PTPRM: variants seen among roughly 807,000 people sequenced by gnomAD.
The protein encoded by PTPRM is receptor-type tyrosine-protein phosphatase mu.
PTPRM carries 47 observed loss-of-function variants against 186.7 expected under a neutral mutation model. That is an observed-to-expected ratio of 0.25 (90% CI 0.20 to 0.32). PTPRM has a LOEUF of 0.32. PTPRM is among the 10% of genes least tolerant of loss of function. The probability of loss-of-function intolerance (pLI) is 1.00; values close to 1 mark genes in which losing one functional copy is unlikely to be tolerated. For synonymous variants in PTPRM, 668 were observed against 674.9 expected (o/e 0.99, Z 0.16); for missense variants, 1,494 against 1,865.0 (o/e 0.80, Z 3.66).
chr18:8,300,735 G>T (rs2095148114), intron 20 of PTPRM, among the ~76,000 whole-genome samples: 1 of 152,078 alleles, frequency 6.6e-6, no homozygotes, highest in African/African-American at 2.4e-5. Context: ...ATCCCTTCCA[G>T]TGCTCTTTTA....
intron 1 of PTPRM, among the ~76,000 whole-genome samples, chr18:7,693,881 A>G (rs1436982902): frequency 8.5e-6 from 1 of 117,770 alleles, no homozygotes; most frequent in Non-Finnish European, 1.8e-5. Context: ...AGCTATGAAC[A>G]GGAGTAGGGG....
At position 8,310,594 on chromosome 18, in the gene PTPRM, C is replaced by T. The variant is rs190346254; in HGVS notation, c.2843-4187C>T. On this transcript the variant is annotated intron_variant, in intron 20 of 32. Coordinates refer to ENST00000580170, the MANE Select transcript of PTPRM (RefSeq NM_001105244.2). The stretch of plus-strand genomic sequence containing the variant: ...ATCTTCATGGTTTGAGCTTCAATGT[C>T]CCTTTATTAGGGAATTGTTTGCTAG... 5.9e-3 allele frequency among the ~76,000 whole-genome samples: 897 copies of T among 151,740 alleles called. 4 individuals are homozygous for T. Among genetic ancestry groups the T allele is most frequent in the African/African-American group, 0.021 (860 of 41,296 alleles).
chr18:8,169,854 T>A (rs1043765516), intron 14 of PTPRM, among the ~76,000 whole-genome samples: 2 of 152,196 alleles, frequency 1.3e-5, no homozygotes, highest in Non-Finnish European at 2.9e-5. Context: ...AACAACAGTG[T>A]AAGTAATTTG....
chr18:8,396,376 AT>A (rs752375106), intron 32 of PTPRM, among the ~76,000 whole-genome samples: 83 of 152,308 alleles, frequency 5.4e-4, no homozygotes, highest in African/African-American at 1.9e-3. Flanking sequence ...ATCAAAAAAA[AT>A]GTCACTTCCC....
intron 7 of PTPRM, among the ~76,000 whole-genome samples, chr18:8,029,021 G>T (rs1278867911): frequency 6.6e-6 from 1 of 152,200 alleles, no homozygotes. Context: ...ACCAACACCA[G>T]GGCTGGGCCT....
intron 2 of PTPRM, among the ~76,000 whole-genome samples, chr18:7,804,020 A>C (rs2044108953): frequency 1.3e-5 from 2 of 152,218 alleles, no homozygotes; most frequent in Non-Finnish European, 2.9e-5. Context: ...CATCTGGTGA[A>C]TACCCAGGTG....
At chr18:7,821,861 CAT>C (rs1568178681) in intron 2 of PTPRM, among the ~76,000 whole-genome samples, 3 of 152,166 alleles carry the variant, frequency 2.0e-5, no homozygotes, top group African/African-American at 4.8e-5. Flanking sequence ...GACAGAGTAA[CAT>C]AGAATGAGAT....
intron 5 of PTPRM, among the ~76,000 whole-genome samples, chr18:7,931,312 A>G (rs2051469938): frequency 6.6e-6 from 1 of 151,696 alleles, no homozygotes; most frequent in Non-Finnish European, 1.5e-5. Context: ...CTGTATACAT[A>G]TACTGTGTGT....
At chr18:7,815,461 G>T (rs1320633937) in intron 2 of PTPRM, 1 of 152,096 alleles carries the variant, frequency 6.6e-6, no homozygotes, top group East Asian at 1.9e-4. Context: ...TTTGGTTTGG[G>T]GCATGTTTCT....
chr18:8,245,197 G>A (rs1363041245), intron 15 of PTPRM, among the ~76,000 whole-genome samples: 2 of 152,166 alleles, frequency 1.3e-5, no homozygotes, highest in Admixed American at 1.3e-4. Flanking sequence ...CCAGATCACA[G>A]TGTGGTCAAT....
At chr18:8,117,074 T>G (rs9953315) in intron 13 of PTPRM, among the ~76,000 whole-genome samples, 71,356 of 152,070 alleles carry the variant, frequency 0.47, 17,720 homozygotes, top group African/African-American at 0.62. Flanking sequence ...GACGGATTCA[T>G]CAACCCTCCT....
intron 3 of PTPRM, among the ~76,000 whole-genome samples, chr18:7,888,701 A>C (rs1365091798): frequency 6.6e-6 from 1 of 152,202 alleles, no homozygotes; most frequent in African/African-American, 2.4e-5. Flanking sequence ...AGCACAATTC[A>C]TAATAGCAAA....
intron 7 of PTPRM, among the ~76,000 whole-genome samples, chr18:7,999,665 CTAATA>C (rs750694495): frequency 1.3e-5 from 2 of 151,578 alleles, no homozygotes; most frequent in African/African-American, 4.8e-5. Context: ...TTGCACCAAC[CTAATA>C]TAATGTGTTG....
intron 23 of PTPRM, among the ~76,000 whole-genome samples, chr18:8,358,938 C>A (rs2095579914): frequency 6.6e-6 from 1 of 152,194 alleles, no homozygotes; most frequent in Admixed American, 6.5e-5. Flanking sequence ...AGACTTGAAT[C>A]TGAAGCCATA....
rs374651936 is a variant in PTPRM, at chr18:8,085,654, T to G, written c.1552-17T>G. 32 of 1,567,084 alleles carry G rather than the reference T, an allele frequency of 2.0e-5. No homozygotes were observed. In the African/African-American group the frequency reaches 2.8e-4, roughly 14 times the overall value. On this transcript the variant is annotated splice_polypyrimidine_tract_variant and intron_variant, in intron 9 of 32. Coordinates refer to ENST00000580170, the MANE Select transcript of PTPRM (RefSeq NM_001105244.2). ...CATCTGCTCCAGATATTTTATCACT[T>G]TCTCATTCTTTTGCAGATCACCTAC...
chr18:7,835,936 A>G (rs764233001), intron 2 of PTPRM, among the ~76,000 whole-genome samples: 10 of 151,898 alleles, frequency 6.6e-5, no homozygotes, highest in Non-Finnish European at 1.2e-4. Context: ...TTCAGTTTCT[A>G]TGTGCCTGGA....
intron 19 of PTPRM, among the ~76,000 whole-genome samples, chr18:8,273,629 A>G (rs1248237512): frequency 6.6e-6 from 1 of 152,104 alleles, no homozygotes; most frequent in Non-Finnish European, 1.5e-5. Flanking sequence ...CTAATTTTTA[A>G]ACAAGATCCT....
intron 15 of PTPRM, among the ~76,000 whole-genome samples, chr18:8,245,661 A>G (rs1296071093): frequency 6.6e-6 from 1 of 152,174 alleles, no homozygotes; most frequent in African/African-American, 2.4e-5. Flanking sequence ...CAGGATTAGA[A>G]TTTTTGTAGT....
intron 2 of PTPRM, among the ~76,000 whole-genome samples, chr18:7,866,276 G>A (rs554686835): frequency 4.6e-5 from 7 of 152,044 alleles, no homozygotes; most frequent in African/African-American, 1.4e-4. Context: ...TAATTGTGAC[G>A]TTAGAGTGTC....
Sources: gnomAD v4.1 joint callset for allele counts (sites outside exome capture counted in the v4.1 genomes callset) on GRCh38, gnomAD v4.1.1 for gene constraint, MANE v1.5 for transcripts, NCBI Gene and HGNC (gene_info 2026-07-23, HGNC 2026-07-21) for gene names.